The following LYPD6 variants were observed in gnomAD, a reference collection of about 807,000 sequenced individuals.
LYPD6 encodes ly6/PLAUR domain-containing protein 6.
LYPD6 carries 15 observed loss-of-function variants against 22.7 expected under a neutral mutation model. The observed-to-expected ratio is 0.66, with a 90% confidence interval of 0.44 to 1.02. The LOEUF (loss-of-function observed/expected upper bound fraction) is 1.02, where lower values mean the gene tolerates loss of function less well. Among genes scored for constraint, LYPD6 ranks in the 50% least tolerant of loss-of-function variants. The pLI is 0.00. For synonymous variants in LYPD6, 72 were observed against 77.5 expected, an observed-to-expected ratio of 0.93 and a Z score of 0.37; for missense variants, 189 against 208.4, an observed-to-expected ratio of 0.91 and a Z score of 0.57.
chr2:149,350,417 A>G lies in LYPD6; in HGVS notation c.-72+19695A>G, dbSNP rs144522790. On this transcript the variant is annotated intron_variant, in intron 1 of 4. Transcript: ENST00000334166. Reference sequence around the variant, plus strand: ...ACCAGGTGTGACATTCCATATGCCCATTTGTTCTTTGGGTTTCAAGGAGGT... The same window carrying G: ...ACCAGGTGTGACATTCCATATGCCCGTTTGTTCTTTGGGTTTCAAGGAGGT... Among the ~76,000 whole-genome samples the G allele has an allele frequency of 5.5e-4, 83 of 152,246 alleles. 1 individual carries two copies. Among genetic ancestry groups the G allele is most frequent in the African/African-American group, 1.9e-3 (81 of 41,544 alleles).
chr2:149,454,963 T>G (rs879496293), intron 3 of LYPD6, among the ~76,000 whole-genome samples: 1 of 152,036 alleles, frequency 6.6e-6, no homozygotes, highest in Admixed American at 6.6e-5. Context: ...TCTCTGCCCC[T>G]TAGCAGAGCT....
intron 1 of LYPD6, among the ~76,000 whole-genome samples, chr2:149,344,847 A>G (rs1681225362): frequency 6.6e-6 from 1 of 152,124 alleles, no homozygotes; most frequent in African/African-American, 2.4e-5. Context: ...GATGTTTTTT[A>G]AAGTGAGGGA....
chr2:149,341,703 G>T (rs960845355), intron 1 of LYPD6, among the ~76,000 whole-genome samples: 1 of 152,146 alleles, frequency 6.6e-6, no homozygotes, highest in African/African-American at 2.4e-5. Context: ...GGCACCAGCT[G>T]GTGAGGGCAC....
At chr2:149,415,469 A>G (rs1682941688) in intron 1 of LYPD6, among the ~76,000 whole-genome samples, 1 of 152,158 alleles carries the variant, frequency 6.6e-6, no homozygotes, top group South Asian at 2.1e-4. Context: ...GTACAGGCAC[A>G]TTAGAAAGGA....
chr2:149,392,488 A>G (rs1682333788), intron 1 of LYPD6, among the ~76,000 whole-genome samples: 1 of 152,168 alleles, frequency 6.6e-6, no homozygotes, highest in Non-Finnish European at 1.5e-5. Context: ...GGCATAACTC[A>G]GCTCTTCTCT....
chr2:149,401,895 A>G (rs908318228), intron 1 of LYPD6, among the ~76,000 whole-genome samples: 1 of 151,970 alleles, frequency 6.6e-6, no homozygotes, highest in African/African-American at 2.4e-5. Context: ...CCAAAGTTCA[A>G]TGTATCATTC....
At chr2:149,402,630 T>C (rs1189501145) in intron 1 of LYPD6, among the ~76,000 whole-genome samples, 2 of 152,196 alleles carry the variant, frequency 1.3e-5, no homozygotes, top group Non-Finnish European at 2.9e-5. Context: ...CCCTGATGAC[T>C]AGTGATGCTG....
chr2:149,434,968 A>C (rs1434422703), intron 1 of LYPD6, among the ~76,000 whole-genome samples: 1 of 152,234 alleles, frequency 6.6e-6, no homozygotes, highest in Non-Finnish European at 1.5e-5. Context: ...GTGTGCCCCC[A>C]AAATTCATAT....
At chr2:149,444,445 T>G (rs1262761706) in intron 2 of LYPD6, among the ~76,000 whole-genome samples, 2 of 152,210 alleles carry the variant, frequency 1.3e-5, no homozygotes, top group Non-Finnish European at 2.9e-5. Flanking sequence ...ATGAGCTGAT[T>G]CTGCCCTTCA....
intron 1 of LYPD6, among the ~76,000 whole-genome samples, chr2:149,398,725 T>C (rs1573771462): frequency 6.6e-6 from 1 of 151,858 alleles, no homozygotes; most frequent in Non-Finnish European, 1.5e-5. Flanking sequence ...AATAGAACAA[T>C]GAGAAGCCTG....
intron 1 of LYPD6, among the ~76,000 whole-genome samples, chr2:149,423,183 C>A (rs898853650): frequency 2.3e-4 from 35 of 152,238 alleles, no homozygotes; most frequent in African/African-American, 8.2e-4. Context: ...CCCTGCCCAC[C>A]TCCCAGCCTC....
intron 1 of LYPD6, among the ~76,000 whole-genome samples, chr2:149,415,446 A>G (rs943232809): frequency 2.6e-5 from 4 of 152,088 alleles, no homozygotes; most frequent in African/African-American, 9.7e-5. Context: ...GAAGGGGGCT[A>G]AGCCTAGAGA....
intron 2 of LYPD6, 67 bp from the exon 3 acceptor site, chr2:149,448,982 G>T: frequency 3.3e-6 from 4 of 1,208,348 alleles, no homozygotes; most frequent in Non-Finnish European, 3.5e-6. Flanking sequence ...TAATGAAAAT[G>T]TCTTAACTTC....
chr2:149,383,273 T>C (rs573832098), intron 1 of LYPD6, among the ~76,000 whole-genome samples: 170 of 152,126 alleles, frequency 1.1e-3, no homozygotes, highest in Non-Finnish European at 2.1e-3. Context: ...AGTAAAAATG[T>C]TTTGGGTCAA....
intron 1 of LYPD6, among the ~76,000 whole-genome samples, chr2:149,371,471 C>T (rs1476234805): frequency 6.6e-6 from 1 of 152,160 alleles, no homozygotes; most frequent in African/African-American, 2.4e-5. Flanking sequence ...TCTAAGAAAT[C>T]TTCTGGTTTA....
intron 1 of LYPD6, among the ~76,000 whole-genome samples, chr2:149,420,886 G>T (rs951406973): frequency 6.6e-6 from 1 of 152,138 alleles, no homozygotes; most frequent in African/African-American, 2.4e-5. Flanking sequence ...GTTTCTTCCC[G>T]CTGGCAACTT....
At chr2:149,478,412 G>A (rs908664049), downstream of LYPD6, among the ~76,000 whole-genome samples, 1 of 151,738 alleles carries the variant, frequency 6.6e-6, no homozygotes, top group African/African-American at 2.4e-5. Flanking sequence ...GCGCACGCAT[G>A]TGTGGTTTTT....
intron 1 of LYPD6, among the ~76,000 whole-genome samples, chr2:149,429,795 G>T (rs970173284): frequency 3.9e-5 from 6 of 152,224 alleles, no homozygotes; most frequent in African/African-American, 1.4e-4. Flanking sequence ...GCCCCTGGGG[G>T]TTGGCTGGGC....
intron 2 of LYPD6, among the ~76,000 whole-genome samples, chr2:149,442,907 G>C (rs1365532260): frequency 1.3e-5 from 2 of 152,100 alleles, no homozygotes; most frequent in Non-Finnish European, 2.9e-5. Flanking sequence ...TTAAACTCTA[G>C]CCATTGAGAA....
Sources: allele counts gnomAD v4.1 joint callset (sites outside exome capture counted in the v4.1 genomes callset), GRCh38; gene constraint gnomAD v4.1.1; transcripts MANE v1.5; gene names NCBI Gene and HGNC (gene_info 2026-07-23, HGNC 2026-07-21).